PPP3CA: variants seen among roughly 807,000 people sequenced by gnomAD.
PPP3CA encodes the protein CAM-PRP catalytic subunit.
A neutral mutation model predicts 66.5 loss-of-function variants in PPP3CA; 14 were observed. That is an observed-to-expected ratio of 0.21 (90% CI 0.14 to 0.33). PPP3CA has a LOEUF of 0.33. Ranked by LOEUF, PPP3CA falls within the 10% of genes least tolerant of loss-of-function variation. The probability of loss-of-function intolerance (pLI) is 1.00; values close to 1 mark genes in which losing one functional copy is unlikely to be tolerated. For missense variants in PPP3CA, 317 were observed against 639.5 expected (o/e 0.50, Z 5.44); for synonymous variants, 232 against 226.2 (o/e 1.03, Z -0.23).
chr4:101,027,845 C>G (rs1726732354), intron 13 of PPP3CA, among the ~76,000 whole-genome samples: 2 of 152,088 alleles, frequency 1.3e-5, no homozygotes, highest in South Asian at 4.1e-4. Context: ...TTTTTGTCAT[C>G]CTGGTATGGA....
chr4:101,064,944 T>C (rs968837838), intron 8 of PPP3CA, among the ~76,000 whole-genome samples: 1 of 152,044 alleles, frequency 6.6e-6, no homozygotes, highest in African/African-American at 2.4e-5. Flanking sequence ...GCCTTTGCTT[T>C]GAATTGCTAT....
At chr4:101,270,255 T>C (rs2850340) in intron 1 of PPP3CA, among the ~76,000 whole-genome samples, 139,703 of 152,074 alleles carry the variant, frequency 0.92, 64,380 homozygotes, top group African/African-American at 0.98. Context: ...GTCATTCATA[T>C]GTGTGCATAC....
intron 1 of PPP3CA, among the ~76,000 whole-genome samples, chr4:101,329,474 T>C (rs2110331175): frequency 6.6e-6 from 1 of 152,308 alleles, no homozygotes; most frequent in East Asian, 1.9e-4. Context: ...TACAGCAAGT[T>C]ATCCAGGAGA....
In PPP3CA at chr4:101,184,359, T is replaced by G. The variant is rs189773735; in HGVS notation, c.259+11557A>C. Among the ~76,000 whole-genome samples, 232 of 152,312 alleles carry G rather than the reference T, an allele frequency of 1.5e-3. 2 individuals are homozygous for G. Among genetic ancestry groups the G allele is most frequent in the African/African-American group, 5.4e-3 (223 of 41,566 alleles). On this transcript the variant is annotated intron_variant, in intron 2 of 13. Coordinates refer to ENST00000394854, the MANE Select transcript of PPP3CA (RefSeq NM_000944.5). ...CCTGCGGCTGCATTTACTAAGGCTC[T>G]TATTGCCAAGCTTCAGCTTCTTTAT... is the stretch of plus-strand genomic sequence containing the variant.
At chr4:101,163,473 G>A (rs1723586723) in intron 2 of PPP3CA, among the ~76,000 whole-genome samples, 1 of 152,146 alleles carries the variant, frequency 6.6e-6, no homozygotes. Context: ...ATGTAGCATA[G>A]ACAGTGTGGT....
At chr4:101,230,717 A>T (rs1234255098) in intron 1 of PPP3CA, among the ~76,000 whole-genome samples, 2 of 151,640 alleles carry the variant, frequency 1.3e-5, no homozygotes, top group Non-Finnish European at 3.0e-5. Flanking sequence ...TTCTGCCTGC[A>T]TAGGTAAAGT....
chr4:101,214,326 G>A (rs1018754050), intron 1 of PPP3CA, among the ~76,000 whole-genome samples: 1 of 152,022 alleles, frequency 6.6e-6, no homozygotes, highest in African/African-American at 2.4e-5. Context: ...ACAGCACAAA[G>A]TGGTTGTGAG....
chr4:101,102,282 G>C (rs1345359920), intron 3 of PPP3CA, among the ~76,000 whole-genome samples: 2 of 151,364 alleles, frequency 1.3e-5, no homozygotes, highest in Non-Finnish European at 3.0e-5. Context: ...GGGAGGAAGG[G>C]AGGGAGAGAG....
In PPP3CA at chr4:101,158,821, T is replaced by C. The variant is rs146631583; in HGVS notation, c.259+37095A>G. Among the ~76,000 whole-genome samples, 445 of 152,344 alleles carry C rather than the reference T, an allele frequency of 2.9e-3. 2 individuals carry two copies. Among genetic ancestry groups the C allele is most frequent in the African/African-American group, 0.01 (420 of 41,582 alleles). ...AAATATTTGATGCAATGGCAAATAATAGTTAAAGCATTTTAATCAGCTAAA... is the reference window on the plus strand; with the variant it reads ...AAATATTTGATGCAATGGCAAATAACAGTTAAAGCATTTTAATCAGCTAAA... On this transcript the variant is annotated intron_variant, in intron 2 of 13. Coordinates refer to ENST00000394854, the MANE Select transcript of PPP3CA (RefSeq NM_000944.5).
At chr4:101,263,034 A>G (rs1372968949) in intron 1 of PPP3CA, among the ~76,000 whole-genome samples, 2 of 152,208 alleles carry the variant, frequency 1.3e-5, no homozygotes, top group African/African-American at 4.8e-5. Flanking sequence ...TATGATGCAC[A>G]ATGCAGTGCA....
intron 1 of PPP3CA, among the ~76,000 whole-genome samples, chr4:101,224,837 A>G (rs1725731453): frequency 6.6e-6 from 1 of 151,776 alleles, no homozygotes; most frequent in African/African-American, 2.4e-5. Context: ...AAAGCTGTCC[A>G]GTGGTTTCTC....
intron 2 of PPP3CA, among the ~76,000 whole-genome samples, chr4:101,192,710 T>C (rs1164350489): frequency 6.6e-6 from 1 of 152,232 alleles, no homozygotes; most frequent in Non-Finnish European, 1.5e-5. Context: ...TCATGTAATC[T>C]GTCAATACTT....
At chr4:101,105,779 G>C (rs973571453) in intron 3 of PPP3CA, among the ~76,000 whole-genome samples, 4 of 152,084 alleles carry the variant, frequency 2.6e-5, no homozygotes, top group African/African-American at 9.7e-5. Context: ...AAGATAGGAA[G>C]TTGTGAAAAG....
At chr4:101,205,786 C>T (rs999389870) in intron 1 of PPP3CA, among the ~76,000 whole-genome samples, 2 of 152,112 alleles carry the variant, frequency 1.3e-5, no homozygotes, top group Non-Finnish European at 2.9e-5. Flanking sequence ...CCAAATGATA[C>T]CAAATAATGT....
intron 5 of PPP3CA, among the ~76,000 whole-genome samples, chr4:101,096,604 T>G (rs74927707): frequency 0.013 from 1,998 of 152,294 alleles, 48 homozygotes; most frequent in African/African-American, 0.046. Context: ...GGACACTTAG[T>G]AAGTTTCTCA....
At chr4:101,288,048 C>T (rs1441002580) in intron 1 of PPP3CA, among the ~76,000 whole-genome samples, 1 of 152,038 alleles carries the variant, frequency 6.6e-6, no homozygotes, top group East Asian at 1.9e-4. Flanking sequence ...ATGCCAGCAA[C>T]CAAAGTAGAA....
At chr4:101,305,684 T>C (rs184323949) in intron 1 of PPP3CA, among the ~76,000 whole-genome samples, 27 of 152,316 alleles carry the variant, frequency 1.8e-4, no homozygotes, top group Admixed American at 1.2e-3. Context: ...AGAGTTATAA[T>C]ATCAAAACTT....
At chr4:101,294,356 A>G (rs1365927393) in intron 1 of PPP3CA, among the ~76,000 whole-genome samples, 3 of 152,206 alleles carry the variant, frequency 2.0e-5, no homozygotes, top group Admixed American at 6.5e-5. Flanking sequence ...CAACACATCA[A>G]CCCAATTAGG....
At chr4:101,128,015 C>A (rs1248739082) in intron 2 of PPP3CA, among the ~76,000 whole-genome samples, 1 of 152,164 alleles carries the variant, frequency 6.6e-6, no homozygotes, top group Non-Finnish European at 1.5e-5. Context: ...TACTACATCT[C>A]TGATGTACAT....
Sources: gnomAD v4.1 joint callset for allele counts (sites outside exome capture counted in the v4.1 genomes callset) on GRCh38, gnomAD v4.1.1 for gene constraint, MANE v1.5 for transcripts, NCBI Gene and HGNC (gene_info 2026-07-23, HGNC 2026-07-21) for gene names.